NAALADL2: variants seen among roughly 807,000 people sequenced by gnomAD.
NAALADL2 encodes the protein N-acetylated alpha-linked acidic dipeptidase like 2, also known as inactive N-acetylated-alpha-linked acidic dipeptidase-like protein 2.
NAALADL2 carries 76 observed loss-of-function variants against 87.2 expected under a neutral mutation model. That is an observed-to-expected ratio of 0.87 (90% CI 0.72 to 1.05). The LOEUF is 1.05. Among genes scored for constraint, NAALADL2 ranks in the 50% least tolerant of loss-of-function variants. NAALADL2 has a pLI of 0.00. For missense variants in NAALADL2, 1,089 were observed against 945.8 expected (o/e 1.15, Z -1.99); for synonymous variants, 354 against 331.0 (o/e 1.07, Z -0.75).
At chr3:175,679,886 T>C (rs1011191067) in intron 11 of NAALADL2, among the ~76,000 whole-genome samples, 1 of 152,134 alleles carries the variant, frequency 6.6e-6, no homozygotes, top group Non-Finnish European at 1.5e-5. Context: ...AATTTAGAAC[T>C]TGAGCTCAGA....
At chr3:174,632,037 C>A (rs1017737814) in intron 2 of NAALADL2, 5 of 152,184 alleles carry the variant, frequency 3.3e-5, no homozygotes, top group African/African-American at 1.2e-4. Flanking sequence ...TAGACTTGTT[C>A]ATAATTTATT....
At chr3:175,731,832 C>T (rs576861051) in intron 11 of NAALADL2, among the ~76,000 whole-genome samples, 1 of 152,260 alleles carries the variant, frequency 6.6e-6, no homozygotes, top group South Asian at 2.1e-4. Flanking sequence ...TCGCCTTTCT[C>T]CCTCCTCCTT....
intron 2 of NAALADL2, among the ~76,000 whole-genome samples, chr3:175,223,349 T>TG (rs1361932320): frequency 6.6e-6 from 1 of 151,978 alleles, no homozygotes; most frequent in Admixed American, 6.6e-5. Flanking sequence ...GATTTTTTTT[T>TG]TTTTTCATTT....
intron 2 of NAALADL2, among the ~76,000 whole-genome samples, chr3:175,166,309 A>C (rs1227698973): frequency 6.6e-6 from 1 of 151,888 alleles, no homozygotes; most frequent in Non-Finnish European, 1.5e-5. Flanking sequence ...TGTGCTTCTG[A>C]TTCTCACCTC....
At chr3:175,630,476 T>TA (rs542638122) in intron 11 of NAALADL2, among the ~76,000 whole-genome samples, 1 of 151,432 alleles carries the variant, frequency 6.6e-6, no homozygotes, top group Non-Finnish European at 1.5e-5. Flanking sequence ...ATTAACTCAT[T>TA]AAAAAAAACT....
In NAALADL2 at chr3:175,343,657, T is replaced by TTTTTTTTG. The variant is rs765246149; in HGVS notation, c.1090+19339_1090+19340insGTTTTTTT. 1.9e-4 allele frequency among the ~76,000 whole-genome samples: 24 copies of TTTTTTTTG among 128,100 alleles called. 1 individual carries two copies. Among genetic ancestry groups the TTTTTTTTG allele is most frequent in the African/African-American group, 8.1e-4 (24 of 29,518 alleles). 84.0% of individuals were successfully genotyped at this position (128,100 alleles called of 152,430 possible). On this transcript the variant is annotated intron_variant, in intron 5 of 13. Transcript: ENST00000454872. ...GAGTTCCTGTGTGTCTTGATCATGT[T>TTTTTTTTG]TTTTTTTTTTTTTTTTTTTCCCTTC...
intron 1 of NAALADL2, among the ~76,000 whole-genome samples, chr3:174,957,667 C>T (rs1315931256): frequency 6.6e-6 from 1 of 151,436 alleles, no homozygotes; most frequent in Non-Finnish European, 1.5e-5. Context: ...GTAATATTTG[C>T]CTCTTTGATT....
At chr3:175,608,466 T>A (rs1332634733) in intron 10 of NAALADL2, among the ~76,000 whole-genome samples, 1 of 151,866 alleles carries the variant, frequency 6.6e-6, no homozygotes, top group East Asian at 2.0e-4. Flanking sequence ...GGAAATCCAT[T>A]CTATAAAGAC....
At chr3:174,781,089 G>A (rs568442664) in intron 3 of NAALADL2, among the ~76,000 whole-genome samples, 2 of 152,006 alleles carry the variant, frequency 1.3e-5, no homozygotes, top group Non-Finnish European at 2.9e-5. Context: ...TTTTTGTTAA[G>A]AATGTTGAAT....
At chr3:175,144,349 C>T (rs1476600052) in intron 2 of NAALADL2, among the ~76,000 whole-genome samples, 1 of 151,884 alleles carries the variant, frequency 6.6e-6, no homozygotes, top group Non-Finnish European at 1.5e-5. Flanking sequence ...AGAAAGTCTC[C>T]ATTTTAAGAT....
At chr3:175,668,248 A>G (rs1733477072) in intron 11 of NAALADL2, among the ~76,000 whole-genome samples, 2 of 152,190 alleles carry the variant, frequency 1.3e-5, no homozygotes, top group African/African-American at 2.4e-5. Context: ...CTAAAACACC[A>G]TAATATCCCT....
chr3:175,288,881 G>A (rs1025182477), intron 4 of NAALADL2, among the ~76,000 whole-genome samples: 1 of 152,090 alleles, frequency 6.6e-6, no homozygotes, highest in Non-Finnish European at 1.5e-5. Flanking sequence ...CTTCCAAGAA[G>A]CTTTTTTCTA....
chr3:175,767,875 G>A (rs929978258), intron 13 of NAALADL2, among the ~76,000 whole-genome samples: 21 of 152,164 alleles, frequency 1.4e-4, no homozygotes, highest in Non-Finnish European at 1.2e-4. Context: ...TTATCTGCCT[G>A]AAACCGTTGC....
rs538401557 is a variant in NAALADL2, at chr3:175,780,193, A to G, written c.2190-22812A>G. The stretch of plus-strand genomic sequence containing the variant: ...CGGGAGGCTGAGGCAGGAGAATGGC[A>G]TAAATCCAGGAGGCGGAGCTTGCAG... On this transcript the variant is annotated intron_variant, in intron 13 of 13. Transcript: ENST00000454872. Among the ~76,000 whole-genome samples the G allele has an allele frequency of 3.6e-3, 547 of 151,574 alleles. 10 individuals are homozygous for G. The East Asian group carries it at 0.041, about 11-fold the overall frequency.
chr3:174,788,253 A>C (rs1028798480), intron 3 of NAALADL2, among the ~76,000 whole-genome samples: 2 of 152,140 alleles, frequency 1.3e-5, no homozygotes, highest in Non-Finnish European at 2.9e-5. Context: ...TAGATCCAGC[A>C]AAATACAGGA....
At chr3:175,793,689 A>C (rs1302845823) in intron 13 of NAALADL2, among the ~76,000 whole-genome samples, 2 of 152,120 alleles carry the variant, frequency 1.3e-5, no homozygotes, top group Non-Finnish European at 2.9e-5. Context: ...AAAATTAAAT[A>C]ACCTCATACC....
chr3:175,696,345 T>C (rs1737793002), intron 11 of NAALADL2, among the ~76,000 whole-genome samples: 1 of 152,120 alleles, frequency 6.6e-6, no homozygotes, highest in African/African-American at 2.4e-5. Flanking sequence ...AAAGTAGTGT[T>C]ATGAAAGAAA....
At chr3:175,198,487 TAAATATAC>T (rs1739333328) in intron 2 of NAALADL2, among the ~76,000 whole-genome samples, 1 of 152,056 alleles carries the variant, frequency 6.6e-6, no homozygotes, top group South Asian at 2.1e-4. Flanking sequence ...TATGTATAAA[TAAATATAC>T]AAATATATGA....
intron 5 of NAALADL2, among the ~76,000 whole-genome samples, chr3:175,326,865 A>C: frequency 6.6e-6 from 1 of 152,194 alleles, no homozygotes; most frequent in East Asian, 1.9e-4. Flanking sequence ...ACCTTTCAAC[A>C]TGGTTACTTT....
Sources: allele counts gnomAD v4.1 joint callset (sites outside exome capture counted in the v4.1 genomes callset), GRCh38; gene constraint gnomAD v4.1.1; transcripts MANE v1.5; gene names NCBI Gene and HGNC (gene_info 2026-07-23, HGNC 2026-07-21).